KIAA1671: variants seen among roughly 807,000 people sequenced by gnomAD.
KIAA1671 encodes KIAA1671, also known as uncharacterized protein KIAA1671.
A neutral mutation model predicts 131.2 loss-of-function variants in KIAA1671; 52 were observed. That is an observed-to-expected ratio of 0.40 (90% CI 0.32 to 0.50). The LOEUF (loss-of-function observed/expected upper bound fraction) is 0.50, where lower values mean the gene tolerates loss of function less well. Ranked by LOEUF, KIAA1671 falls within the 20% of genes least tolerant of loss-of-function variation. The pLI, the probability that KIAA1671 is intolerant of heterozygous loss-of-function variation, is 0.73. For missense variants in KIAA1671, 2,360 were observed against 2,364.2 expected, an observed-to-expected ratio of 1.00 and a Z score of 0.04; for synonymous variants, 1,003 against 961.6, an observed-to-expected ratio of 1.04 and a Z score of -0.80.
chr22:25,043,701 G>C (rs1475299752), intron 5 of KIAA1671, among the ~76,000 whole-genome samples: 1 of 152,128 alleles, frequency 6.6e-6, no homozygotes, highest in Non-Finnish European at 1.5e-5. Context: ...CAAGCTTGAG[G>C]GTTGGCCATG....
intron 6 of KIAA1671, among the ~76,000 whole-genome samples, chr22:25,135,409 A>G (rs1932632884): frequency 6.6e-6 from 1 of 152,098 alleles, no homozygotes; most frequent in African/African-American, 2.4e-5. Context: ...GATGGTCTCG[A>G]TCTCCTGACC....
chr22:25,147,582 C>T (rs1239957026), intron 6 of KIAA1671, among the ~76,000 whole-genome samples: 4 of 152,172 alleles, frequency 2.6e-5, no homozygotes, highest in African/African-American at 7.2e-5. Flanking sequence ...TGGAGGTCCT[C>T]TTGGCTGAGG....
At chr22:25,068,016 A>T (rs1928575616) in intron 6 of KIAA1671, among the ~76,000 whole-genome samples, 1 of 152,264 alleles carries the variant, frequency 6.6e-6, no homozygotes, top group Non-Finnish European at 1.5e-5. Context: ...CAGAGGAACC[A>T]GCCCTTTTGC....
rs2145806489 is a variant in KIAA1671, at chr22:25,040,447, C to T, written c.3317C>T (p.Thr1106Ile). The change falls in exon 5 of 13, where the codon ACA (threonine) becomes ATA (isoleucine). Residue 1106 changes from threonine to isoleucine, a missense_variant. Physicochemically the swap from Thr to Ile is moderately conservative, Grantham distance 89. Around this residue, in one of 3 missense-constraint regions of KIAA1671, gnomAD observed 1,161 missense variants for 1,204.7 expected, o/e 0.96. Coordinates refer to ENST00000358431, the MANE Select transcript of KIAA1671 (RefSeq NM_001145206.2). ...AGCATTTTAAAAACTCTGAAGCCAACAGACCGTCCATCATCTCTTGGGGCC... is the reference window on the plus strand; with the variant it reads ...AGCATTTTAAAAACTCTGAAGCCAATAGACCGTCCATCATCTCTTGGGGCC... ...NASILKTLKP[T>I]DRPSSLGAWS... 9 of 1,551,948 alleles carry T rather than the reference C, an allele frequency of 5.8e-6. No homozygotes were observed. The East Asian group carries it at 1.7e-4, about 29-fold the overall frequency.
chr22:25,165,231 A>G (rs1340982789), intron 6 of KIAA1671, among the ~76,000 whole-genome samples: 1 of 152,200 alleles, frequency 6.6e-6, no homozygotes. Context: ...TAGCCCCTGC[A>G]TGACTCCAAA....
rs132895 is a variant in KIAA1671, at chr22:25,163,331, ATTTTTTTTTTTTT to A, written c.4531-7468_4531-7456del. Reference sequence around the variant, plus strand: ...GTGATAGAGTGAGACATTGCCTCAAATTTTTTTTTTTTTTTTTTTTTTTTTTTTTTTTTACATT... The same window carrying A: ...GTGATAGAGTGAGACATTGCCTCAAATTTTTTTTTTTTTTTTTTTTACATT... On this transcript the variant is annotated intron_variant, in intron 6 of 12. Transcript: ENST00000358431. Among the ~76,000 whole-genome samples the A allele has an allele frequency of 3.1e-4, 17 of 55,554 alleles. No homozygotes were observed. In the East Asian group the frequency reaches 3.3e-3, roughly 11 times the overall value. 36.4% of individuals were successfully genotyped at this position (55,554 alleles called of 152,430 possible).
chr22:24,974,268 C>T (rs1250158753), intron 1 of KIAA1671, among the ~76,000 whole-genome samples: 1 of 152,148 alleles, frequency 6.6e-6, no homozygotes, highest in African/African-American at 2.4e-5. Flanking sequence ...GGGCAGGTCT[C>T]ACCCCCTCCA....
At chr22:25,167,785 C>T (rs183971608) in intron 6 of KIAA1671, among the ~76,000 whole-genome samples, 43 of 152,206 alleles carry the variant, frequency 2.8e-4, no homozygotes, top group African/African-American at 9.9e-4. Flanking sequence ...CTTGTATACA[C>T]CTCATTCACA....
intron 6 of KIAA1671, among the ~76,000 whole-genome samples, chr22:25,144,782 AG>A (rs1419513678): frequency 6.6e-6 from 1 of 152,120 alleles, no homozygotes; most frequent in African/African-American, 2.4e-5. Context: ...TTAGGATTCA[AG>A]CCTGTCTACA....
intron 6 of KIAA1671, among the ~76,000 whole-genome samples, chr22:25,104,652 C>G (rs1275435509): frequency 6.6e-6 from 1 of 152,210 alleles, no homozygotes; most frequent in Admixed American, 6.5e-5. Context: ...CTTCTTTCCT[C>G]AACCTTTGAA....
At chr22:25,087,836 G>C (rs899055449) in intron 6 of KIAA1671, among the ~76,000 whole-genome samples, 1 of 152,210 alleles carries the variant, frequency 6.6e-6, no homozygotes, top group East Asian at 1.9e-4. Context: ...ACGGTCTGGA[G>C]GAGAGGGGGC....
At chr22:24,981,062 C>CTGTG (rs35906863) in intron 1 of KIAA1671, among the ~76,000 whole-genome samples, 22,943 of 148,772 alleles carry the variant, frequency 0.15, 2,066 homozygotes, top group East Asian at 0.25. Context: ...TTGTTATTTT[C>CTGTG]TGTGTGTGTG....
chr22:25,145,945 G>GA (rs11337979), intron 6 of KIAA1671, among the ~76,000 whole-genome samples: 162 of 135,098 alleles, frequency 1.2e-3, no homozygotes, highest in East Asian at 2.5e-3. Context: ...ATCTCTAAAA[G>GA]AAAAAAAAAA....
intron 6 of KIAA1671, among the ~76,000 whole-genome samples, chr22:25,065,679 G>T (rs1163556035): frequency 6.7e-6 from 1 of 149,882 alleles, no homozygotes; most frequent in Non-Finnish European, 1.5e-5. Context: ...CTCGCTCGTC[G>T]CCCAGGCTGG....
At chr22:25,182,964 A>G (rs1934342529) in intron 10 of KIAA1671, among the ~76,000 whole-genome samples, 1 of 152,220 alleles carries the variant, frequency 6.6e-6, no homozygotes, top group Non-Finnish European at 1.5e-5. Flanking sequence ...TGCTGAGGGA[A>G]AGGCTGAGCT....
At chr22:25,119,752 T>C (rs1329355895) in intron 6 of KIAA1671, among the ~76,000 whole-genome samples, 1 of 152,078 alleles carries the variant, frequency 6.6e-6, no homozygotes, top group Non-Finnish European at 1.5e-5. Flanking sequence ...CCAGAAAGTT[T>C]GGAGGGACAT....
intron 5 of KIAA1671, among the ~76,000 whole-genome samples, chr22:25,047,985 A>ATT (rs1927338055): frequency 1.3e-5 from 2 of 152,070 alleles, no homozygotes; most frequent in Non-Finnish European, 2.9e-5. Context: ...TTTCAAGTTG[A>ATT]TTTTGGTATA....
chr22:24,969,551 C>T (rs974003582), intron 1 of KIAA1671, among the ~76,000 whole-genome samples: 6 of 152,018 alleles, frequency 3.9e-5, no homozygotes, highest in African/African-American at 7.3e-5. Context: ...GATGTGAAAC[C>T]GACAGATACT....
intron 1 of KIAA1671, among the ~76,000 whole-genome samples, chr22:24,965,139 G>A (rs1034842239): frequency 2.6e-5 from 4 of 151,478 alleles, no homozygotes; most frequent in African/African-American, 4.9e-5. Flanking sequence ...GGCTGGGGAC[G>A]GTGGCTCACA....
Sources: gnomAD v4.1 joint callset for allele counts (sites outside exome capture counted in the v4.1 genomes callset) on GRCh38, gnomAD v4.1.1 for gene constraint, gnomAD v4.1.1 regional missense constraint, MANE v1.5 for transcripts, NCBI Gene and HGNC (gene_info 2026-07-23, HGNC 2026-07-21) for gene names.